ABHD12: variants seen among roughly 807,000 people sequenced by gnomAD.
ABHD12 encodes abhydrolase domain containing 12, lysophospholipase, also known as lysophosphatidylserine lipase ABHD12.
A neutral mutation model predicts 58.3 loss-of-function variants in ABHD12; 43 were observed. The observed-to-expected ratio is 0.74, with a 90% confidence interval of 0.58 to 0.95. The LOEUF is 0.95. Among genes scored for constraint, ABHD12 ranks in the 40% least tolerant of loss-of-function variants. The probability of loss-of-function intolerance (pLI) is 0.00; values close to 1 mark genes in which losing one functional copy is unlikely to be tolerated. For synonymous variants in ABHD12, 219 were observed against 211.2 expected, an observed-to-expected ratio of 1.04 and a Z score of -0.32; for missense variants, 539 against 537.2, an observed-to-expected ratio of 1.00 and a Z score of -0.03.
At chr20:25,368,955 T>C (rs1429595496) in intron 1 of ABHD12, among the ~76,000 whole-genome samples, 3 of 152,068 alleles carry the variant, frequency 2.0e-5, no homozygotes, top group African/African-American at 7.2e-5. Context: ...AGACCCTCTT[T>C]CTATCAAAAA....
intron 1 of ABHD12, among the ~76,000 whole-genome samples, chr20:25,340,572 G>C (rs938656513): frequency 2.0e-5 from 3 of 152,186 alleles, no homozygotes; most frequent in African/African-American, 7.2e-5. Flanking sequence ...GAGTGCCAGG[G>C]GCACACCTGC....
chr20:25,311,135 A>C (rs1222274534), intron 6 of ABHD12, among the ~76,000 whole-genome samples: 1 of 152,222 alleles, frequency 6.6e-6, no homozygotes, highest in Non-Finnish European at 1.5e-5. Flanking sequence ...AAAAGTGTCC[A>C]TGACCTAATC....
At chr20:25,360,227 C>CTTTT (rs576215687) in intron 1 of ABHD12, among the ~76,000 whole-genome samples, 2,327 of 37,406 alleles carry the variant, frequency 0.062, 854 homozygotes, top group Middle Eastern at 0.15. Context: ...GAACACGTTA[C>CTTTT]TTTTTTTTTT....
At chr20:25,363,409 G>T (rs898414042) in intron 1 of ABHD12, among the ~76,000 whole-genome samples, 1 of 151,598 alleles carries the variant, frequency 6.6e-6, no homozygotes, top group Non-Finnish European at 1.5e-5. Context: ...AGTAGAGACG[G>T]GGTTTCACCA....
chr20:25,302,198 G>A (rs995113615), intron 12 of ABHD12, 21 bp downstream of exon 12: 2 of 1,612,412 alleles, frequency 1.2e-6, no homozygotes, highest in African/African-American at 1.3e-5. Context: ...GAAGCCCCTG[G>A]GTGGGAAGAG....
At chr20:25,347,710 T>C (rs35427265) in intron 1 of ABHD12, among the ~76,000 whole-genome samples, 4,527 of 151,928 alleles carry the variant, frequency 0.03, 87 homozygotes, top group South Asian at 0.059. Flanking sequence ...ATGCCTGTGG[T>C]CCCAGCTACT....
At chr20:25,383,462 A>C (rs565062036) in intron 1 of ABHD12, among the ~76,000 whole-genome samples, 1 of 152,310 alleles carries the variant, frequency 6.6e-6, no homozygotes, top group South Asian at 2.1e-4. Context: ...CAGGGTCCAA[A>C]TTAGACCAGT....
chr20:25,297,958 G>C (rs186939175), downstream of ABHD12: 1 of 152,178 alleles, frequency 6.6e-6, no homozygotes, highest in Admixed American at 6.5e-5. Flanking sequence ...GCCCCTCATT[G>C]TTACTGCCTT....
chr20:25,321,973 C>T (rs983419817), intron 3 of ABHD12, among the ~76,000 whole-genome samples: 1 of 152,222 alleles, frequency 6.6e-6, no homozygotes, highest in African/African-American at 2.4e-5. Context: ...TGGGAAGCTA[C>T]TCACAGCATT....
intron 1 of ABHD12, among the ~76,000 whole-genome samples, chr20:25,366,598 C>T (rs2089825615): frequency 6.6e-6 from 1 of 152,132 alleles, no homozygotes; most frequent in Non-Finnish European, 1.5e-5. Context: ...AATTTGGACT[C>T]TTGAGTTATA....
At position 25,323,922 on chromosome 20, in the gene ABHD12, C is replaced by T. The variant is rs59431257; in HGVS notation, c.317-492G>A. The stretch of plus-strand genomic sequence containing the variant: ...CTGCAGGACCTGATGACCAACGGAA[C>T]GTTGGGTGGCAAACAAGGTAAAGGG... On this transcript the variant is annotated intron_variant, in intron 2 of 12. Transcript: ENST00000339157. 8.0e-3 allele frequency among the ~76,000 whole-genome samples: 1,225 copies of T among 152,292 alleles called. 21 individuals carry two copies. The highest frequency in any genetic ancestry group is 0.028 in the African/African-American group (1,175 of 41,546).
At chr20:25,317,988 T>G (rs2145963630) in intron 4 of ABHD12, among the ~76,000 whole-genome samples, 1 of 152,166 alleles carries the variant, frequency 6.6e-6, no homozygotes, top group East Asian at 1.9e-4. Flanking sequence ...GACACCAGGA[T>G]GAGATGGAGG....
At chr20:25,294,953 G>GT in exon 13 of ABHD12, 3 of 1,613,958 alleles carry the variant, frequency 1.9e-6, no homozygotes, top group Non-Finnish European at 2.5e-6. Context: ...TTCGATGACC[G>GT]TGTCACCTGT....
chr20:25,373,908 C>T (rs1863553083), intron 1 of ABHD12, among the ~76,000 whole-genome samples: 1 of 152,044 alleles, frequency 6.6e-6, no homozygotes, highest in South Asian at 2.1e-4. Context: ...CTGAAGTTGT[C>T]CCATAGCATA....
intron 1 of ABHD12, among the ~76,000 whole-genome samples, chr20:25,368,917 G>A (rs539490109): frequency 7.9e-5 from 12 of 152,236 alleles, no homozygotes; most frequent in Admixed American, 5.2e-4. Context: ...TAATTCATGA[G>A]TTTGGGACCA....
chr20:25,312,642 C>T (rs1257915626), intron 6 of ABHD12, among the ~76,000 whole-genome samples: 4 of 151,828 alleles, frequency 2.6e-5, no homozygotes, highest in East Asian at 1.9e-4. Flanking sequence ...GGCCGCCCAT[C>T]GTCTGGGATG....
chr20:25,325,996 G>A (rs904119032), intron 2 of ABHD12, among the ~76,000 whole-genome samples: 2 of 151,448 alleles, frequency 1.3e-5, no homozygotes, highest in Non-Finnish European at 2.9e-5. Flanking sequence ...GCTTGAACCC[G>A]GGAAGAGGAG....
intron 1 of ABHD12, among the ~76,000 whole-genome samples, chr20:25,355,832 C>T (rs1418251522): frequency 1.3e-5 from 2 of 151,762 alleles, no homozygotes; most frequent in Non-Finnish European, 2.9e-5. Flanking sequence ...GCTGGGATTA[C>T]AGGCGTGAGC....
intron 1 of ABHD12, among the ~76,000 whole-genome samples, chr20:25,378,992 G>A (rs775759423): frequency 1.3e-5 from 2 of 152,184 alleles, no homozygotes; most frequent in Admixed American, 6.5e-5. Context: ...TAACAATGAA[G>A]ACACTTAGCA....
Sources: gnomAD v4.1 joint callset for allele counts (sites outside exome capture counted in the v4.1 genomes callset) on GRCh38, gnomAD v4.1.1 for gene constraint, MANE v1.5 for transcripts, NCBI Gene and HGNC (gene_info 2026-07-23, HGNC 2026-07-21) for gene names.